Variants in LRMDA observed in about 807,000 individuals in gnomAD.
LRMDA encodes the protein leucine rich melanocyte differentiation associated, also known as leucine-rich melanocyte differentiation-associated protein.
A neutral mutation model predicts 29.8 loss-of-function variants in LRMDA; 18 were observed. That is an observed-to-expected ratio of 0.60 (90% CI 0.42 to 0.90). The LOEUF (loss-of-function observed/expected upper bound fraction) is 0.90, where lower values mean the gene tolerates loss of function less well. Ranked by LOEUF, LRMDA falls within the 40% of genes least tolerant of loss-of-function variation. The pLI, the probability that LRMDA is intolerant of heterozygous loss-of-function variation, is 0.00. For missense variants in LRMDA, 273 were observed against 273.9 expected (o/e 1.00, Z 0.02); for synonymous variants, 125 against 109.4 (o/e 1.14, Z -0.89).
At chr10:75,835,518 G>T (rs1844418483) in intron 2 of LRMDA, among the ~76,000 whole-genome samples, 1 of 152,118 alleles carries the variant, frequency 6.6e-6, no homozygotes, top group Non-Finnish European at 1.5e-5. Context: ...GACATATTTG[G>T]GGTGGTGTTA....
intron 6 of LRMDA, among the ~76,000 whole-genome samples, chr10:76,528,867 C>T (rs1312987867): frequency 1.3e-5 from 2 of 152,112 alleles, no homozygotes; most frequent in Non-Finnish European, 2.9e-5. Flanking sequence ...ATTGCTGTTG[C>T]ACTAGCTCTT....
chr10:76,078,535 A>G (rs1848998443), intron 5 of LRMDA, among the ~76,000 whole-genome samples: 1 of 151,878 alleles, frequency 6.6e-6, no homozygotes, highest in Non-Finnish European at 1.5e-5. Context: ...TCCACCAAAC[A>G]GCTTAAAAGG....
chr10:76,065,323 T>G (rs1477326812), intron 5 of LRMDA, among the ~76,000 whole-genome samples: 2 of 152,240 alleles, frequency 1.3e-5, no homozygotes, highest in Non-Finnish European at 2.9e-5. Flanking sequence ...AAGCCATGTC[T>G]CTGGTGTGCT....
chr10:76,196,045 A>G (rs1383513296), intron 5 of LRMDA, among the ~76,000 whole-genome samples: 3 of 152,204 alleles, frequency 2.0e-5, no homozygotes, highest in African/African-American at 7.2e-5. Flanking sequence ...CTGTGATGAT[A>G]ATTAGTGTTC....
chr10:75,469,775 T>A (rs1204858079), intron 2 of LRMDA, among the ~76,000 whole-genome samples: 1 of 152,220 alleles, frequency 6.6e-6, no homozygotes, highest in African/African-American at 2.4e-5. Context: ...GAGACTGGTA[T>A]GGGATGAGGG....
intron 6 of LRMDA, among the ~76,000 whole-genome samples, chr10:76,495,690 A>T (rs1346525508): frequency 6.6e-6 from 1 of 151,932 alleles, no homozygotes; most frequent in African/African-American, 2.4e-5. Context: ...ATAAAATTTC[A>T]GAATTTTGTA....
intron 2 of LRMDA, among the ~76,000 whole-genome samples, chr10:75,625,203 T>C (rs71473785): frequency 0.092 from 13,985 of 152,198 alleles, 890 homozygotes; most frequent in East Asian, 0.31. Flanking sequence ...TAGTTAATGG[T>C]GTGTTGAGTG....
rs1296189536 is a variant in LRMDA at position 76,337,464 on chromosome 10, G to GA, written c.601+12981dup. Among the ~76,000 whole-genome samples, 4 of 152,218 alleles carry GA rather than the reference G, an allele frequency of 2.6e-5. No homozygotes were observed. The East Asian group carries it at 7.8e-4, about 30-fold the overall frequency. On this transcript the variant is annotated intron_variant, in intron 6 of 6. Coordinates refer to ENST00000611255, the MANE Select transcript of LRMDA (RefSeq NM_001305581.2). ...TAAAGACCTGGGGAGGTGAGGCATGGAACCCTGAGAATGTCTGAGAGAAAA... is the reference window on the plus strand; with the variant it reads ...TAAAGACCTGGGGAGGTGAGGCATGGAAACCCTGAGAATGTCTGAGAGAAAA...
chr10:76,068,670 G>A (rs552097458), intron 5 of LRMDA, among the ~76,000 whole-genome samples: 4 of 152,338 alleles, frequency 2.6e-5, no homozygotes, highest in African/African-American at 4.8e-5. Flanking sequence ...ACCAGTACAT[G>A]TCTGTAGCCC....
chr10:76,115,267 C>T (rs1277861743), intron 5 of LRMDA, among the ~76,000 whole-genome samples: 3 of 152,226 alleles, frequency 2.0e-5, no homozygotes, highest in East Asian at 1.9e-4. Flanking sequence ...GGAGATTGCT[C>T]ATAGGTATAT....
At chr10:75,878,022 G>A (rs1379894649) in intron 2 of LRMDA, among the ~76,000 whole-genome samples, 1 of 152,198 alleles carries the variant, frequency 6.6e-6, no homozygotes, top group Non-Finnish European at 1.5e-5. Context: ...CAGACGGGCA[G>A]GTCATGAAGA....
chr10:75,831,813 C>G (rs913256584), intron 2 of LRMDA, among the ~76,000 whole-genome samples: 1 of 152,338 alleles, frequency 6.6e-6, no homozygotes, highest in South Asian at 2.1e-4. Context: ...AGGCTCAATA[C>G]CACATGGAAG....
rs1842958561 is a variant in LRMDA at position 76,506,279 on chromosome 10, G to A, written c.602-50930G>A. Among the ~76,000 whole-genome samples, 3 of 152,038 alleles carry A rather than the reference G, an allele frequency of 2.0e-5. No individual in the cohort carries two copies. The South Asian group carries it at 6.2e-4, about 32-fold the overall frequency. On this transcript the variant is annotated intron_variant, in intron 6 of 6. Coordinates refer to ENST00000611255, the MANE Select transcript of LRMDA (RefSeq NM_001305581.2). ...ATGAAGCTTTGTTGTAGCACTCTTG[G>A]CCAATTTAATATAATGTCCTTTTTT...
intron 6 of LRMDA, among the ~76,000 whole-genome samples, chr10:76,467,534 A>G (rs377146204): frequency 6.6e-6 from 1 of 152,122 alleles, no homozygotes. Flanking sequence ...GTATTTATGG[A>G]GTGTAGCCTT....
chr10:75,468,604 A>G (rs1844686664), intron 2 of LRMDA, among the ~76,000 whole-genome samples: 1 of 152,182 alleles, frequency 6.6e-6, no homozygotes, highest in African/African-American at 2.4e-5. Context: ...AAGTGATGCT[A>G]GTCACTTTTT....
intron 6 of LRMDA, among the ~76,000 whole-genome samples, chr10:76,332,944 A>G (rs2132409247): frequency 6.6e-6 from 1 of 152,308 alleles, no homozygotes; most frequent in South Asian, 2.1e-4. Flanking sequence ...AATATATTAT[A>G]TATTACATAA....
intron 6 of LRMDA, among the ~76,000 whole-genome samples, chr10:76,468,011 C>T (rs1842580984): frequency 1.3e-5 from 2 of 152,156 alleles, no homozygotes. Context: ...TTAAATTATC[C>T]TAACTTTATA....
At chr10:76,222,119 C>T (rs1397619549) in intron 5 of LRMDA, among the ~76,000 whole-genome samples, 1 of 151,888 alleles carries the variant, frequency 6.6e-6, no homozygotes, top group East Asian at 1.9e-4. Context: ...AAAATTAATT[C>T]AAGATGGATT....
At chr10:76,539,328 C>G (rs953635514) in intron 6 of LRMDA, among the ~76,000 whole-genome samples, 3 of 152,118 alleles carry the variant, frequency 2.0e-5, no homozygotes, top group Non-Finnish European at 4.4e-5. Flanking sequence ...ACTCACAGCA[C>G]AGGAAATCTG....
Sources: allele counts gnomAD v4.1 joint callset (sites outside exome capture counted in the v4.1 genomes callset), GRCh38; gene constraint gnomAD v4.1.1; transcripts MANE v1.5; gene names NCBI Gene and HGNC (gene_info 2026-07-23, HGNC 2026-07-21).